Variants in CNNM2 observed in about 807,000 individuals in gnomAD.
The protein encoded by CNNM2 is cyclin and CBS domain divalent metal cation transport mediator 2.
In CNNM2, 12 loss-of-function variants were observed where a neutral mutation model predicts 66.9. That is an observed-to-expected ratio of 0.18 (90% confidence interval 0.11 to 0.29). The LOEUF is 0.29. Ranked by LOEUF, CNNM2 falls within the 10% of genes least tolerant of loss-of-function variation. CNNM2 has a pLI of 1.00. For missense variants in CNNM2, 705 were observed against 1,167.7 expected (o/e 0.60, Z 5.77); for synonymous variants, 557 against 501.8 (o/e 1.11, Z -1.47).
chr10:103,030,639 C>T (rs112658518), intron 1 of CNNM2, among the ~76,000 whole-genome samples: 4 of 152,110 alleles, frequency 2.6e-5, no homozygotes, highest in African/African-American at 7.2e-5. Context: ...GCCTGGGAGG[C>T]GGAGGCTGCA....
At chr10:102,950,964 A>G (rs1846803833) in intron 1 of CNNM2, among the ~76,000 whole-genome samples, 1 of 148,944 alleles carries the variant, frequency 6.7e-6, no homozygotes, top group Non-Finnish European at 1.5e-5. Flanking sequence ...TGGGGGCAAT[A>G]GGAATTCTTT....
chr10:103,070,177 A>G (rs987488413), intron 5 of CNNM2, among the ~76,000 whole-genome samples: 1 of 152,148 alleles, frequency 6.6e-6, no homozygotes, highest in African/African-American at 2.4e-5. Context: ...GTCTGACCCT[A>G]CTTAATGAGT....
At chr10:103,032,397 G>A (rs1227765158) in intron 1 of CNNM2, among the ~76,000 whole-genome samples, 1 of 152,024 alleles carries the variant, frequency 6.6e-6, no homozygotes, top group Non-Finnish European at 1.5e-5. Flanking sequence ...GTTGCAGCGA[G>A]CCGAGATCAC....
chr10:103,067,569 A>G (rs1326457873), intron 4 of CNNM2, among the ~76,000 whole-genome samples: 1 of 152,192 alleles, frequency 6.6e-6, no homozygotes, highest in African/African-American at 2.4e-5. Flanking sequence ...GATGCCTCAC[A>G]CAGTTGTAGT....
intron 1 of CNNM2, among the ~76,000 whole-genome samples, chr10:102,982,293 C>T (rs771473995): frequency 6.6e-6 from 1 of 152,172 alleles, no homozygotes; most frequent in South Asian, 2.1e-4. Context: ...GTCTGTCTCT[C>T]TAGACCTTAA....
At chr10:102,920,651 G>C (rs1401196699) in intron 1 of CNNM2, among the ~76,000 whole-genome samples, 2 of 152,088 alleles carry the variant, frequency 1.3e-5, no homozygotes, top group African/African-American at 2.4e-5. Flanking sequence ...TTGTGGGGAA[G>C]ATTGAGGTCT....
At chr10:103,012,388 G>C (rs2064360009) in intron 1 of CNNM2, among the ~76,000 whole-genome samples, 2 of 152,216 alleles carry the variant, frequency 1.3e-5, no homozygotes, top group African/African-American at 4.8e-5. Context: ...GCTCGCGCCT[G>C]TAATCCCAGC....
intron 1 of CNNM2, among the ~76,000 whole-genome samples, chr10:103,034,789 AC>A (rs1333963990): frequency 6.6e-6 from 1 of 151,822 alleles, no homozygotes; most frequent in Non-Finnish European, 1.5e-5. Context: ...ACAAGGTGAA[AC>A]CCCGTCTCTA....
chr10:102,985,590 C>A (rs1452480707), intron 1 of CNNM2, among the ~76,000 whole-genome samples: 2 of 152,204 alleles, frequency 1.3e-5, no homozygotes, highest in Admixed American at 6.5e-5. Context: ...TACTCTTAGT[C>A]ATGTTCTTTC....
chr10:102,973,103 CTTTCA>C (rs1330935974), intron 1 of CNNM2, among the ~76,000 whole-genome samples: 1 of 150,942 alleles, frequency 6.6e-6, no homozygotes, highest in African/African-American at 2.4e-5. Flanking sequence ...AATTTTTTAT[CTTTCA>C]TTTTTGTATC....
At position 103,032,682 on chromosome 10, in the gene CNNM2, T is replaced by A. The variant is rs891838387; in HGVS notation, c.1622-17025T>A. 9.3e-3 allele frequency among the ~76,000 whole-genome samples: 965 copies of A among 104,150 alleles called. 10 individuals carry two copies. The highest frequency in any genetic ancestry group is 0.011 in the Non-Finnish European group (566 of 50,818). 68.3% of individuals were successfully genotyped at this position (104,150 alleles called of 152,430 possible). On this transcript the variant is annotated intron_variant, in intron 1 of 7. Coordinates refer to ENST00000369878, the MANE Select transcript of CNNM2 (RefSeq NM_017649.5). ...AGCTCTTTTTTTTTTTTTTTTTTTT[T>A]AAATAGCTGCATAGCATTCTATTGC...
At chr10:103,022,996 G>A (rs1280173374) in intron 1 of CNNM2, among the ~76,000 whole-genome samples, 8 of 152,032 alleles carry the variant, frequency 5.3e-5, no homozygotes, top group Admixed American at 1.3e-4. Flanking sequence ...TTGACCTCCC[G>A]GGCTCAGGTG....
At chr10:102,960,605 A>C (rs796443103) in intron 1 of CNNM2, among the ~76,000 whole-genome samples, 21 of 152,088 alleles carry the variant, frequency 1.4e-4, no homozygotes, top group African/African-American at 4.6e-4. Context: ...AATTCAACAG[A>C]ATTTTATTTT....
In CNNM2 at chr10:102,954,133, T is replaced by C. The variant is rs150264474; in HGVS notation, c.1621+34032T>C. 0.1 allele frequency among the ~76,000 whole-genome samples: 14,978 copies of C among 149,380 alleles called. 751 individuals are homozygous for C. Among genetic ancestry groups the C allele is most frequent in the Middle Eastern group, 0.17 (51 of 292 alleles). On this transcript the variant is annotated intron_variant, in intron 1 of 7. Transcript: ENST00000369878. ...TTTCTTTTCTTTTCTTTTCTTTTTTTTTTTTTTTTTGAGACAGGGTTTCCC... is the reference window on the plus strand; with the variant it reads ...TTTCTTTTCTTTTCTTTTCTTTTTTCTTTTTTTTTTGAGACAGGGTTTCCC...
intron 1 of CNNM2, among the ~76,000 whole-genome samples, chr10:102,994,961 A>G (rs1258304036): frequency 1.3e-5 from 2 of 152,146 alleles, no homozygotes; most frequent in Non-Finnish European, 2.9e-5. Flanking sequence ...AAAGGAGAAT[A>G]TTCAATGCCA....
At chr10:102,991,778 C>T (rs1255915136) in intron 1 of CNNM2, among the ~76,000 whole-genome samples, 1 of 152,116 alleles carries the variant, frequency 6.6e-6, no homozygotes, top group Non-Finnish European at 1.5e-5. Flanking sequence ...TTGCAATTAC[C>T]TGAGCCTTGG....
In CNNM2 at chr10:103,028,321, T is replaced by TC. The variant is rs1276579107; in HGVS notation, c.1622-21385dup. ...CATCTAGTCATTCAGTAAACACTTA[T>TC]CTTTTTTTACTTGACAACTCATTGT... On this transcript the variant is annotated intron_variant, in intron 1 of 7. Coordinates refer to ENST00000369878, the MANE Select transcript of CNNM2 (RefSeq NM_017649.5). 5.3e-5 allele frequency among the ~76,000 whole-genome samples: 8 copies of TC among 152,346 alleles called. No individual in the cohort carries two copies. In the East Asian group the frequency reaches 1.5e-3, roughly 29 times the overall value.
At chr10:102,996,665 CAG>C (rs775236897) in intron 1 of CNNM2, among the ~76,000 whole-genome samples, 1 of 152,192 alleles carries the variant, frequency 6.6e-6, no homozygotes, top group Non-Finnish European at 1.5e-5. Flanking sequence ...GCCTGGGAAA[CAG>C]AGCAAGACCC....
Position 102,939,101 on chromosome 10 carries a change from C to T in CNNM2, c.1621+19000C>T, listed in dbSNP as rs74337355. ...CCAAACCAGGTATGAGTAGCAAATT[C>T]GAAGATTTGTTGCCTTTTTCAGACA... On this transcript the variant is annotated intron_variant, in intron 1 of 7. Coordinates refer to ENST00000369878, the MANE Select transcript of CNNM2 (RefSeq NM_017649.5). Among the ~76,000 whole-genome samples the T allele has an allele frequency of 1.7e-4, 26 of 152,284 alleles. 1 individual carries two copies. Among genetic ancestry groups the T allele is most frequent in the African/African-American group, 5.5e-4 (23 of 41,568 alleles).
Sources: allele counts gnomAD v4.1 joint callset (sites outside exome capture counted in the v4.1 genomes callset), GRCh38; gene constraint gnomAD v4.1.1; transcripts MANE v1.5; gene names NCBI Gene and HGNC (gene_info 2026-07-23, HGNC 2026-07-21).